Variants in SLC30A3 observed in about 807,000 individuals in gnomAD.
SLC30A3 encodes solute carrier family 30 member 3, also known as probable proton-coupled zinc antiporter SLC30A3.
A neutral mutation model predicts 35.6 loss-of-function variants in SLC30A3; 20 were observed. The observed-to-expected ratio is 0.56, with a 90% CI of 0.39 to 0.82. The LOEUF is 0.82. Among genes scored for constraint, SLC30A3 ranks in the 40% least tolerant of loss-of-function variants. The probability of loss-of-function intolerance (pLI) is 0.00; values close to 1 mark genes in which losing one functional copy is unlikely to be tolerated. For synonymous variants in SLC30A3, 217 were observed against 224.7 expected, an observed-to-expected ratio of 0.97 and a Z score of 0.31; for missense variants, 401 against 530.6, an observed-to-expected ratio of 0.76 and a Z score of 2.40.
chr2:27,258,838 G>C lies in SLC30A3; in HGVS notation c.192C>G (p.Gly64=). ...GTGCATGCAGCCTCTCAGGGGTAAGGCCCGGCGGCGGAAGGGGGTCCCTGT... is the reference window on the plus strand; with the variant it reads ...GTGCATGCAGCCTCTCAGGGGTAAGCCCCGGCGGCGGAAGGGGGTCCCTGT... ...HCHRDPLPPP[G]LTPERLHARR... The change falls in exon 2 of 8, where the codon GGC becomes GGG. Residue 64 remains glycine, a synonymous_variant. Transcript: ENST00000233535. This position sits in a 1 kb window ranked among gnomAD's most constrained non-coding sequence, Gnocchi z 4.0. 1 of 1,614,200 alleles carries C rather than the reference G, an allele frequency of 6.2e-7. No homozygotes were observed. Among genetic ancestry groups the C allele is most frequent in the Non-Finnish European group, 8.5e-7 (1 of 1,180,004 alleles).
At chr2:27,266,873 G>A (rs1476891326), upstream of SLC30A3, among the ~76,000 whole-genome samples, 1 of 152,188 alleles carries the variant, frequency 6.6e-6, no homozygotes, top group Non-Finnish European at 1.5e-5. Flanking sequence ...CTCCAGCCTG[G>A]ATGACAGGTG....
intron 1 of SLC30A3, among the ~76,000 whole-genome samples, chr2:27,274,488 G>T (rs935852140): frequency 6.6e-6 from 1 of 152,176 alleles, no homozygotes; most frequent in Non-Finnish European, 1.5e-5. Context: ...GCCATTGAGT[G>T]CTCTTGCAAA....
Position 27,262,550 on chromosome 2 carries a change from G to C in SLC30A3, c.95+262C>G, listed in dbSNP as rs1677260337. Among the ~76,000 whole-genome samples, 1 of 152,078 alleles carries C rather than the reference G, an allele frequency of 6.6e-6. No individual in the cohort carries two copies. The highest frequency in any genetic ancestry group is 2.1e-4 in the South Asian group (1 of 4,832). ...CAGGCGCCGCGGGGGTGGCGGAGGG[G>C]TCCGGCGGCCTGGGACGCCGGCCGG... On this transcript the variant is annotated intron_variant, in intron 1 of 7. Coordinates refer to ENST00000233535, the MANE Select transcript of SLC30A3 (RefSeq NM_003459.5). The surrounding 1 kb of genome is among the most constrained non-coding windows in gnomAD (Gnocchi z 7.5).
intron 1 of SLC30A3, among the ~76,000 whole-genome samples, chr2:27,270,376 G>A (rs553552766): frequency 5.8e-4 from 88 of 152,130 alleles, no homozygotes; most frequent in African/African-American, 2.0e-3. Flanking sequence ...GACGGCACTG[G>A]GTAGGAGAAC....
intron 1 of SLC30A3, among the ~76,000 whole-genome samples, chr2:27,268,093 T>G (rs1271304179): frequency 1.3e-5 from 2 of 152,208 alleles, no homozygotes; most frequent in Admixed American, 6.5e-5. Context: ...CTTGCCAGAA[T>G]GTAAGCTCCA....
rs1320818373 is a variant in SLC30A3 at position 27,256,861 on chromosome 2, G to A, written c.810C>T (p.Thr270=). Residue 270 remains threonine (T), a synonymous_variant, in exon 6 of 8, where the codon ACC becomes ACT. Coordinates refer to ENST00000233535, the MANE Select transcript of SLC30A3 (RefSeq NM_003459.5). The part of the protein sequence containing the change: ...PQYKAADPIS[T]FLFSICALGS... ...CAAGGGCACAGATGGAGAAGAGGAA[G>A]GTGCTGATGGGGTCGGCTGCCTTGT... 1.2e-6 allele frequency: 2 copies of A among 1,606,244 alleles called. No homozygotes were observed. Among genetic ancestry groups the A allele is most frequent in the Non-Finnish European group, 1.7e-6 (2 of 1,178,346 alleles).
Position 27,262,660 on chromosome 2 carries a change from TG to T in SLC30A3, c.95+151del. On this transcript the variant is annotated intron_variant, in intron 1 of 7. Transcript: ENST00000233535. The surrounding 1 kb of genome is among the most constrained non-coding windows in gnomAD (Gnocchi z 7.5). ...GCTGTGTAGGGCTGGGCGCTCCGTG[TG>T]GCCAGAGGGGATGAAGCGGGGTGCA... is the stretch of plus-strand genomic sequence containing the variant. 1.4e-6 allele frequency: 1 copy of T among 706,558 alleles called. No individual in the cohort carries two copies. The allele number at this position is 706,558 out of a possible 1,614,324, so 43.8% of individuals were successfully genotyped here.
chr2:27,260,387 G>A (rs1677121265), intron 1 of SLC30A3, among the ~76,000 whole-genome samples: 1 of 152,160 alleles, frequency 6.6e-6, no homozygotes, highest in African/African-American at 2.4e-5. Flanking sequence ...TAACTGCATG[G>A]TACCATAAGT....
upstream of SLC30A3, chr2:27,263,403 C>A (rs1006076589): frequency 4.4e-6 from 2 of 450,496 alleles, no homozygotes; most frequent in Admixed American, 4.8e-5. Context: ...CCCACCACGC[C>A]GTCACCCTGT....
chr2:27,275,097 G>C lies in SLC30A3; in HGVS notation c.-159+80C>G, dbSNP rs1038954072. On this transcript the variant is annotated intron_variant, in intron 1 of 5. Transcript: ENST00000424577. ...GTGTTTCCGGGTGGAAGAGAAGGAG[G>C]GACCAAGCGGAGAGCCCTAAGTCCT... 3.1e-6 allele frequency: 3 copies of C among 955,346 alleles called. No homozygotes were observed. In the African/African-American group the frequency reaches 5.1e-5, roughly 16 times the overall value. 59.2% of individuals were successfully genotyped at this position (955,346 alleles called of 1,614,324 possible). A position where few individuals can be genotyped will look rare whatever the true frequency, so the allele number is the denominator to read the frequency against.
rs1362575822 is a variant in SLC30A3, at chr2:27,258,935, C to G, written c.96-1G>C. 6.3e-7 allele frequency: 1 copy of G among 1,581,820 alleles called. No homozygotes were observed. The highest frequency in any genetic ancestry group is 8.6e-7 in the Non-Finnish European group (1 of 1,164,224). On this transcript the variant is annotated splice_acceptor_variant, in intron 1 of 7. Coordinates refer to ENST00000233535, the MANE Select transcript of SLC30A3 (RefSeq NM_003459.5). LOFTEE classifies it high-confidence loss of function. This position sits in a 1 kb window ranked among gnomAD's most constrained non-coding sequence, Gnocchi z 4.0. Reference sequence around the variant, plus strand: ...GGGCTCTGAGGGCTCTGTGAAGAGACTGAGGCAAGCAACATGGTTCAACCT... The same window carrying G: ...GGGCTCTGAGGGCTCTGTGAAGAGAGTGAGGCAAGCAACATGGTTCAACCT...
chr2:27,258,868 G>A lies in SLC30A3; in HGVS notation c.162C>T (p.His54=). ...GCGGCGGAAGGGGGTCCCTGTGGCAGTGGTGGAAGGGCATCTCCACAGGTT... is the reference window on the plus strand; with the variant it reads ...GCGGCGGAAGGGGGTCCCTGTGGCAATGGTGGAAGGGCATCTCCACAGGTT... The part of the protein sequence containing the change: ...ESKPVEMPFH[H]CHRDPLPPPG... The change falls in exon 2 of 8, where the codon CAC becomes CAT. Residue 54 remains histidine, a synonymous_variant. Transcript: ENST00000233535. The surrounding 1 kb of genome is among the most constrained non-coding windows in gnomAD (Gnocchi z 4.0). 4 of 1,614,060 alleles carry A rather than the reference G, an allele frequency of 2.5e-6. No homozygotes were observed. The highest frequency in any genetic ancestry group is 3.4e-6 in the Non-Finnish European group (4 of 1,179,958).
intron 1 of SLC30A3, among the ~76,000 whole-genome samples, chr2:27,259,565 G>A (rs1429317704): frequency 6.6e-6 from 1 of 151,762 alleles, no homozygotes; most frequent in African/African-American, 2.4e-5. Flanking sequence ...AGAGCTCACT[G>A]CACACTTGAG....
rs1010967363 is a variant in SLC30A3 at position 27,257,087 on chromosome 2, C to G, written c.777+67G>C. 2.7e-4 allele frequency: 407 copies of G among 1,505,720 alleles called. No individual in the cohort carries two copies. The highest frequency in any genetic ancestry group is 1.2e-5 in the Non-Finnish European group (13 of 1,084,036). 93.3% of individuals were successfully genotyped at this position (1,505,720 alleles called of 1,614,324 possible). Reference sequence around the variant, plus strand: ...GGGAGGAGGAAGGAAGCTTTGGGACCTGGGAAGGAGTGGGCTGGGATGTGG... The same window carrying G: ...GGGAGGAGGAAGGAAGCTTTGGGACGTGGGAAGGAGTGGGCTGGGATGTGG... On this transcript the variant is annotated intron_variant, in intron 5 of 7. Transcript: ENST00000233535. The surrounding 1 kb of genome is among the most constrained non-coding windows in gnomAD (Gnocchi z 4.7).
chr2:27,258,171 C>T lies in SLC30A3; in HGVS notation c.414G>A (p.Trp138Ter). 1 of 1,594,502 alleles carries T rather than the reference C, an allele frequency of 6.3e-7. No homozygotes were observed. Among genetic ancestry groups the T allele is most frequent in the Non-Finnish European group, 8.6e-7 (1 of 1,167,920 alleles). Residue 138 changes from tryptophan to a stop codon, truncating the protein, a stop_gained, in exon 3 of 8, where the codon TGG becomes TGA. Transcript: ENST00000233535. LOFTEE classifies it high-confidence loss of function. The surrounding 1 kb of genome is among the most constrained non-coding windows in gnomAD (Gnocchi z 4.0). ...ATGCAGGGGCCTTACCTGAACGGTG[C>T]CAGCCAAAGGTCATGGTGCGGGTGG... ...RPATRTMTFGWHRSETLGALA... is the reference protein window; with the variant it reads ...RPATRTMTFG
intron 1 of SLC30A3, among the ~76,000 whole-genome samples, chr2:27,268,071 C>G (rs1032378225): frequency 2.6e-5 from 4 of 152,106 alleles, no homozygotes; most frequent in African/African-American, 9.7e-5. Context: ...ATTTTGTTTA[C>G]TGTCTGCCCC....
chr2:27,256,055 G>A (rs1676827916), intron 7 of SLC30A3: 1 of 345,986 alleles, frequency 2.9e-6, no homozygotes, highest in Non-Finnish European at 5.4e-6. Flanking sequence ...CCTCAGGGTG[G>A]AGGTGCTGTA....
intron 1 of SLC30A3, among the ~76,000 whole-genome samples, chr2:27,259,690 G>A (rs1243593826): frequency 6.6e-6 from 1 of 152,166 alleles, no homozygotes; most frequent in Non-Finnish European, 1.5e-5. Context: ...AGAGGCATGA[G>A]GCTCACAGAG....
Position 27,255,002 on chromosome 2 carries a change from G to A in SLC30A3, c.*310C>T. 2 of 1,143,732 alleles carry A rather than the reference G, an allele frequency of 1.7e-6. No individual in the cohort carries two copies. The highest frequency in any genetic ancestry group is 3.2e-5 in the Admixed American group (1 of 30,878). The allele number at this position is 1,143,732 out of a possible 1,614,324, so 70.8% of individuals were successfully genotyped here. A position where few individuals can be genotyped will look rare whatever the true frequency, so the allele number is the denominator to read the frequency against. On this transcript the variant is annotated 3_prime_UTR_variant, in exon 8 of 8. Transcript: ENST00000233535. The surrounding 1 kb of genome is among the most constrained non-coding windows in gnomAD (Gnocchi z 5.2). ...GGACTGCAGGGAAAGGATGTTCGTG[G>A]CTCCACATGAACCATGGGGAGATGG... is the stretch of plus-strand genomic sequence containing the variant.
Sources: allele counts gnomAD v4.1 joint callset (sites outside exome capture counted in the v4.1 genomes callset), GRCh38; gene constraint gnomAD v4.1.1; non-coding constraint Gnocchi (gnomAD v3.1); transcripts MANE v1.5; gene names NCBI Gene and HGNC (gene_info 2026-07-23, HGNC 2026-07-21).